The following PCDH15 variants were observed in gnomAD, a reference collection of about 807,000 sequenced individuals.
The protein encoded by PCDH15 is protocadherin-15.
A neutral mutation model predicts 178.5 loss-of-function variants in PCDH15; 129 were observed. The ratio of observed to expected loss-of-function variants is 0.72; its 90% CI spans 0.63 to 0.84. PCDH15 has a LOEUF of 0.84. Among genes scored for constraint, PCDH15 ranks in the 40% least tolerant of loss-of-function variants. The pLI, the probability that PCDH15 is intolerant of heterozygous loss-of-function variation, is 0.00. For synonymous variants in PCDH15, 800 were observed against 732.0 expected, an observed-to-expected ratio of 1.09 and a Z score of -1.50; for missense variants, 2,230 against 2,099.9, an observed-to-expected ratio of 1.06 and a Z score of -1.21.
At chr10:54,913,453 A>G (rs534654502) in intron 2 of PCDH15, among the ~76,000 whole-genome samples, 41 of 152,288 alleles carry the variant, frequency 2.7e-4, no homozygotes, top group African/African-American at 7.7e-4. Flanking sequence ...GTATGAAAAC[A>G]CCTGGATGTC....
chr10:55,004,829 T>C (rs1839885057), intron 2 of PCDH15, among the ~76,000 whole-genome samples: 1 of 152,170 alleles, frequency 6.6e-6, no homozygotes, highest in Non-Finnish European at 1.5e-5. Flanking sequence ...TCAGTTATAA[T>C]TTCTATTATC....
intron 2 of PCDH15, among the ~76,000 whole-genome samples, chr10:55,524,585 T>C (rs1274557985): frequency 6.6e-6 from 1 of 151,668 alleles, no homozygotes; most frequent in Non-Finnish European, 1.5e-5. Flanking sequence ...ATTGCATACA[T>C]ATCTTGCAAT....
At chr10:55,241,177 C>T (rs1479330619) in intron 1 of PCDH15, among the ~76,000 whole-genome samples, 2 of 152,154 alleles carry the variant, frequency 1.3e-5, no homozygotes, top group Non-Finnish European at 2.9e-5. Context: ...GATCGTGCCA[C>T]TGCACTCCAG....
At chr10:55,023,387 G>A (rs187674693) in intron 2 of PCDH15, among the ~76,000 whole-genome samples, 6 of 152,090 alleles carry the variant, frequency 3.9e-5, no homozygotes, top group Admixed American at 3.9e-4. Flanking sequence ...GAACGTTGTC[G>A]GTAGAAAAAC....
intron 6 of PCDH15, among the ~76,000 whole-genome samples, chr10:54,342,715 C>T (rs1942483927): frequency 6.6e-6 from 1 of 152,184 alleles, no homozygotes. Context: ...CCTGAGAAGG[C>T]AGCTGCAGGG....
chr10:54,579,474 C>T (rs557980548), intron 2 of PCDH15, among the ~76,000 whole-genome samples: 56 of 152,192 alleles, frequency 3.7e-4, no homozygotes, highest in African/African-American at 1.2e-3. Context: ...AATATTGGAG[C>T]ACCCAATTCA....
chr10:54,281,482 CTT>C (rs2058702892), intron 8 of PCDH15, among the ~76,000 whole-genome samples: 1 of 151,754 alleles, frequency 6.6e-6, no homozygotes, highest in African/African-American at 2.4e-5. Context: ...GTCTATTAAT[CTT>C]CTCTCTTAAA....
intron 2 of PCDH15, among the ~76,000 whole-genome samples, chr10:54,960,964 A>G (rs539026597): frequency 6.6e-6 from 1 of 152,374 alleles, no homozygotes; most frequent in Non-Finnish European, 1.5e-5. Flanking sequence ...AATTAAAAAC[A>G]GGCCTATTCT....
At chr10:54,553,858 A>G (rs1409695031) in intron 2 of PCDH15, among the ~76,000 whole-genome samples, 1 of 152,218 alleles carries the variant, frequency 6.6e-6, no homozygotes, top group Non-Finnish European at 1.5e-5. Context: ...ATGCAAAAGC[A>G]ACACTTTCTA....
intron 2 of PCDH15, among the ~76,000 whole-genome samples, chr10:54,635,243 A>C (rs762643485): frequency 4.6e-5 from 7 of 151,536 alleles, no homozygotes; most frequent in Non-Finnish European, 1.0e-4. Context: ...GTCAAAGCTA[A>C]AATGAAAGCA....
At chr10:54,163,090 C>A (rs2045879137) in intron 13 of PCDH15, among the ~76,000 whole-genome samples, 1 of 152,074 alleles carries the variant, frequency 6.6e-6, no homozygotes, top group Non-Finnish European at 1.5e-5. Context: ...TATAAGGATC[C>A]TTTTGCACAC....
chr10:55,624,745 G>C (rs1837486759), intron 2 of PCDH15, among the ~76,000 whole-genome samples: 1 of 152,074 alleles, frequency 6.6e-6, no homozygotes, highest in South Asian at 2.1e-4. Context: ...CGTTAGGCTG[G>C]AAAGAGTGGG....
chr10:55,159,945 T>C lies in PCDH15; in HGVS notation c.-80+6631A>G, dbSNP rs182018539. 5.7e-3 allele frequency among the ~76,000 whole-genome samples: 861 copies of C among 151,978 alleles called. 3 individuals are homozygous for C. Among genetic ancestry groups the C allele is most frequent in the Non-Finnish European group, 8.6e-3 (585 of 67,942 alleles). ...AAGTAGTTTGCCTAAAACCATCTTA[T>C]GTGCTTCTGAACTTTCTCATAAAAC... On this transcript the variant is annotated intron_variant, in intron 2 of 5. Transcript: ENST00000458638.
chr10:55,363,253 G>A (rs1461475850), intron 2 of PCDH15, among the ~76,000 whole-genome samples: 1 of 152,160 alleles, frequency 6.6e-6, no homozygotes, highest in African/African-American at 2.4e-5. Context: ...CCATGTCACT[G>A]TTGAGGAGTA....
intron 3 of PCDH15, among the ~76,000 whole-genome samples, chr10:54,501,030 C>G (rs1425487805): frequency 6.6e-6 from 1 of 151,822 alleles, no homozygotes; most frequent in South Asian, 2.1e-4. Context: ...TAAGTGGGAG[C>G]TGAACGATGA....
At chr10:55,337,152 C>T (rs143641500) in intron 2 of PCDH15, among the ~76,000 whole-genome samples, 2 of 151,772 alleles carry the variant, frequency 1.3e-5, no homozygotes, top group African/African-American at 4.8e-5. Flanking sequence ...TACAGAGCCT[C>T]AAGATGAAAA....
intron 1 of PCDH15, among the ~76,000 whole-genome samples, chr10:55,268,367 A>G (rs998340373): frequency 1.3e-5 from 2 of 152,180 alleles, no homozygotes; most frequent in African/African-American, 2.4e-5. Context: ...ACACAAAATC[A>G]CATACCAAAA....
intron 2 of PCDH15, among the ~76,000 whole-genome samples, chr10:54,908,738 A>C (rs1349181028): frequency 6.6e-6 from 1 of 152,170 alleles, no homozygotes; most frequent in Non-Finnish European, 1.5e-5. Context: ...GAGAGTGTTC[A>C]GCTCTCAGCA....
intron 1 of PCDH15, among the ~76,000 whole-genome samples, chr10:55,169,000 A>G (rs1839265307): frequency 6.6e-6 from 1 of 152,206 alleles, no homozygotes; most frequent in South Asian, 2.1e-4. Flanking sequence ...TAGAGTGAGT[A>G]CCAACTCTCT....
Sources: allele counts gnomAD v4.1 joint callset (sites outside exome capture counted in the v4.1 genomes callset), GRCh38; gene constraint gnomAD v4.1.1; transcripts MANE v1.5; gene names NCBI Gene and HGNC (gene_info 2026-07-23, HGNC 2026-07-21).